DCLK1: variants seen among roughly 807,000 people sequenced by gnomAD.
The protein encoded by DCLK1 is serine/threonine-protein kinase DCLK1.
In DCLK1, 16 loss-of-function variants were observed where a neutral mutation model predicts 86.2. That is an observed-to-expected ratio of 0.19 (90% CI 0.13 to 0.28). The LOEUF is 0.28. Among genes scored for constraint, DCLK1 ranks in the 10% least tolerant of loss-of-function variants. The pLI is 1.00. For missense variants in DCLK1, 590 were observed against 940.2 expected (o/e 0.63, Z 4.87); for synonymous variants, 369 against 370.5 (o/e 1.00, Z 0.05).
chr13:36,008,541 A>C (rs1881126222), intron 3 of DCLK1, among the ~76,000 whole-genome samples: 1 of 126,056 alleles, frequency 7.9e-6, no homozygotes, highest in African/African-American at 3.1e-5. Flanking sequence ...TGTCCCTACA[A>C]AGGACATGAA....
intron 4 of DCLK1, among the ~76,000 whole-genome samples, chr13:35,940,013 G>A (rs913835576): frequency 2.0e-5 from 3 of 152,076 alleles, no homozygotes; most frequent in South Asian, 2.1e-4. Context: ...AATATTAAAC[G>A]TCTGTATGGA....
intron 3 of DCLK1, among the ~76,000 whole-genome samples, chr13:36,106,044 C>T (rs1458188349): frequency 1.3e-5 from 2 of 152,200 alleles, no homozygotes; most frequent in Non-Finnish European, 2.9e-5. Context: ...AACCTATCTT[C>T]AGTACAGCAG....
intron 11 of DCLK1, among the ~76,000 whole-genome samples, chr13:35,815,468 T>G (rs956225281): frequency 2.6e-5 from 4 of 152,198 alleles, no homozygotes; most frequent in African/African-American, 9.6e-5. Context: ...TGATGAAACG[T>G]TGGCTAATGA....
intron 3 of DCLK1, among the ~76,000 whole-genome samples, chr13:36,090,042 T>A (rs1039128517): frequency 6.6e-6 from 1 of 152,228 alleles, no homozygotes; most frequent in Non-Finnish European, 1.5e-5. Flanking sequence ...AAAAATTTAA[T>A]GCACTTTGCC....
intron 15 of DCLK1, among the ~76,000 whole-genome samples, chr13:35,796,833 T>C (rs9545395): frequency 0.22 from 32,906 of 152,160 alleles, 4,927 homozygotes; most frequent in African/African-American, 0.42. Context: ...ATCTTTTCCA[T>C]GATGAAAGTG....
At position 36,125,794 on chromosome 13, in the gene DCLK1, T is replaced by C. The variant is rs1008349465; in HGVS notation, c.344A>G (p.Lys115Arg). The change falls in exon 2 of 17, where the codon AAG becomes AGG. Residue 115 changes from lysine (K) to arginine (R), a missense_variant. By Grantham distance (26) the Lys-to-Arg change is conservative. This residue lies in a region of DCLK1 where 195 missense variants were observed against 365.1 expected (regional missense o/e 0.53). Coordinates refer to ENST00000360631, the MANE Select transcript of DCLK1 (RefSeq NM_001330071.2). ...CAGTTGGTCCAGGCTGGAAATCTTC[T>C]TGAGCCCATCAATGGTGTAGATTGT... The part of the protein sequence containing the change: ...VRTIYTIDGL[K>R]KISSLDQLVE... The C allele has an allele frequency of 1.9e-6, 3 of 1,614,158 alleles. No individual in the cohort carries two copies. Among genetic ancestry groups the C allele is most frequent in the Non-Finnish European group, 2.5e-6 (3 of 1,180,004 alleles).
chr13:36,062,982 C>T lies in DCLK1; in HGVS notation c.723+48887G>A, dbSNP rs181485435. ...TGCAAGGTCTTTGTGTATTTGTTTG[C>T]GGATGTCTGTATCTGATGTCCTTTG... is the stretch of plus-strand genomic sequence containing the variant. On this transcript the variant is annotated intron_variant, in intron 3 of 16. Coordinates refer to ENST00000360631, the MANE Select transcript of DCLK1 (RefSeq NM_001330071.2). 2.2e-4 allele frequency among the ~76,000 whole-genome samples: 34 copies of T among 152,198 alleles called. 1 individual carries two copies. The highest frequency in any genetic ancestry group is 2.0e-3 in the Admixed American group (30 of 15,302).
intron 10 of DCLK1, among the ~76,000 whole-genome samples, chr13:35,823,528 A>G (rs2153105152): frequency 6.6e-6 from 1 of 152,164 alleles, no homozygotes; most frequent in African/African-American, 2.4e-5. Context: ...GAAGGGGGGG[A>G]AATCTCAAAG....
At chr13:35,775,382 T>A (rs2086406870) in intron 16 of DCLK1, among the ~76,000 whole-genome samples, 1 of 152,210 alleles carries the variant, frequency 6.6e-6, no homozygotes, top group Non-Finnish European at 1.5e-5. Context: ...TTTGGTAATT[T>A]ATGAAACTGA....
intron 8 of DCLK1, among the ~76,000 whole-genome samples, chr13:35,833,536 G>A (rs1004440902): frequency 4.6e-5 from 7 of 152,148 alleles, no homozygotes; most frequent in African/African-American, 1.2e-4. Context: ...CCTGGAGCAT[G>A]GGCAGAAATC....
chr13:35,900,092 A>C (rs572372055), intron 4 of DCLK1, among the ~76,000 whole-genome samples: 1 of 152,338 alleles, frequency 6.6e-6, no homozygotes, highest in South Asian at 2.1e-4. Context: ...AGTTAAAATA[A>C]ATGAGAAAGA....
intron 4 of DCLK1, among the ~76,000 whole-genome samples, chr13:35,874,804 A>C (rs1298100095): frequency 6.6e-6 from 1 of 152,220 alleles, no homozygotes; most frequent in African/African-American, 2.4e-5. Context: ...CGTGCCAAGG[A>C]GATCTCAGAT....
intron 3 of DCLK1, among the ~76,000 whole-genome samples, chr13:36,015,038 G>GCC (rs370677894): frequency 7.0e-5 from 9 of 127,682 alleles, no homozygotes; most frequent in African/African-American, 2.7e-4. Flanking sequence ...CTCCCTATCC[G>GCC]CCCCCCCACA....
At chr13:35,785,169 A>G (rs1033498326) in intron 16 of DCLK1, among the ~76,000 whole-genome samples, 3 of 152,094 alleles carry the variant, frequency 2.0e-5, no homozygotes, top group African/African-American at 7.2e-5. Flanking sequence ...TAATCGGGTT[A>G]CCCAGTTCTA....
chr13:35,827,521 A>G (rs1173477927), intron 10 of DCLK1, 114 bp downstream of exon 10: 1 of 1,260,684 alleles, frequency 7.9e-7, no homozygotes, highest in Non-Finnish European at 1.1e-6. Flanking sequence ...CACTGGGCCA[A>G]TGTACAGAAA....
intron 3 of DCLK1, among the ~76,000 whole-genome samples, chr13:36,004,158 CT>C (rs983928786): frequency 7.9e-5 from 12 of 152,264 alleles, no homozygotes; most frequent in African/African-American, 2.6e-4. Context: ...CGTCAGCTTC[CT>C]TTTTGGAAAG....
chr13:35,833,616 G>A (rs1317775081), intron 8 of DCLK1, among the ~76,000 whole-genome samples: 1 of 152,172 alleles, frequency 6.6e-6, no homozygotes, highest in South Asian at 2.1e-4. Flanking sequence ...TGTGTCCATT[G>A]TTGTAGACAA....
At chr13:35,779,148 G>C (rs1286615662) in intron 16 of DCLK1, among the ~76,000 whole-genome samples, 1 of 152,044 alleles carries the variant, frequency 6.6e-6, no homozygotes, top group Non-Finnish European at 1.5e-5. Flanking sequence ...GCTAATTTTT[G>C]TATTTTCAGT....
At chr13:36,108,559 C>A (rs891694095) in intron 3 of DCLK1, among the ~76,000 whole-genome samples, 1 of 152,176 alleles carries the variant, frequency 6.6e-6, no homozygotes, top group African/African-American at 2.4e-5. Flanking sequence ...CAGCAGGCTC[C>A]GGCTTTCATG....
Sources: allele counts gnomAD v4.1 joint callset (sites outside exome capture counted in the v4.1 genomes callset), GRCh38; gene constraint gnomAD v4.1.1; regional missense constraint gnomAD v4.1.1; transcripts MANE v1.5; gene names NCBI Gene and HGNC (gene_info 2026-07-23, HGNC 2026-07-21).